ZNHIT6: variants seen among roughly 807,000 people sequenced by gnomAD.
ZNHIT6 encodes zinc finger HIT-type containing 6.
Under a neutral mutation model 57.2 loss-of-function variants are expected in ZNHIT6, and 45 were observed. The observed-to-expected ratio is 0.79, with a 90% CI of 0.62 to 1.01. The LOEUF (loss-of-function observed/expected upper bound fraction) is 1.01, where lower values mean the gene tolerates loss of function less well. ZNHIT6 is among the 50% of genes least tolerant of loss of function. ZNHIT6 has a pLI of 0.00. For missense variants in ZNHIT6, 528 were observed against 567.3 expected (o/e 0.93, Z 0.70); for synonymous variants, 188 against 190.0 (o/e 0.99, Z 0.09).
intron 4 of ZNHIT6, 129 bp from the exon 5 acceptor site, chr1:85,702,389 T>C (rs1662561573): frequency 3.3e-6 from 2 of 609,414 alleles, no homozygotes; most frequent in Admixed American, 3.2e-5. Context: ...TAAGCAGTAA[T>C]CTCATGTAAT....
chr1:85,708,012 C>G lies in ZNHIT6; in HGVS notation c.273G>C (p.Arg91Ser). 2 of 1,614,184 alleles carry G rather than the reference C, an allele frequency of 1.2e-6. No homozygotes were observed. Among genetic ancestry groups the G allele is most frequent in the South Asian group, 2.2e-5 (2 of 91,088 alleles). ...CCTGTTCTACCCACTGGCCAGCCAA[C>G]CTGCCTTCTGTACCTGGCCAGTCTA... ...EIIDWPGTEG[R>S]LAGQWVEQEV... Residue 91 changes from arginine (R) to serine (S), a missense_variant, in exon 1 of 10, where the codon AGG becomes AGC. Arg to Ser is a moderately radical substitution (Grantham distance 110). Coordinates refer to ENST00000370574, the MANE Select transcript of ZNHIT6 (RefSeq NM_017953.4).
intron 8 of ZNHIT6, among the ~76,000 whole-genome samples, chr1:85,664,894 C>T (rs781235514): frequency 1.1e-4 from 16 of 152,136 alleles, no homozygotes; most frequent in Non-Finnish European, 2.1e-4. Context: ...TCCAGAGGCA[C>T]GATCTCAGCT....
At chr1:85,671,226 G>C (rs1281406983) in intron 8 of ZNHIT6, among the ~76,000 whole-genome samples, 2 of 152,120 alleles carry the variant, frequency 1.3e-5, no homozygotes, top group Non-Finnish European at 2.9e-5. Flanking sequence ...CTGGTTATCT[G>C]CTCCCTTGTG....
chr1:85,697,028 T>C (rs1191245115), intron 5 of ZNHIT6, among the ~76,000 whole-genome samples: 2 of 70,716 alleles, frequency 2.8e-5, no homozygotes, highest in African/African-American at 6.3e-5. Context: ...GCCCAGCTAA[T>C]TTTTCGTATT....
At chr1:85,705,934 T>C (rs981410299) in intron 4 of ZNHIT6, 144 bp downstream of exon 4, 12 of 666,640 alleles carry the variant, frequency 1.8e-5, no homozygotes, top group Non-Finnish European at 2.2e-5. Flanking sequence ...ACGGACTTTG[T>C]TTGGGTCACA....
intron 5 of ZNHIT6, among the ~76,000 whole-genome samples, chr1:85,684,118 C>T (rs1405553300): frequency 6.6e-6 from 1 of 152,170 alleles, no homozygotes; most frequent in Non-Finnish European, 1.5e-5. Flanking sequence ...ATACCCTTGG[C>T]ATATCAACGT....
At chr1:85,688,376 C>T (rs1368519649) in intron 5 of ZNHIT6, among the ~76,000 whole-genome samples, 1 of 152,184 alleles carries the variant, frequency 6.6e-6, no homozygotes, top group Non-Finnish European at 1.5e-5. Context: ...CTCTGATCTG[C>T]TATATTATTA....
intron 6 of ZNHIT6, among the ~76,000 whole-genome samples, chr1:85,679,690 T>C (rs912052851): frequency 6.6e-6 from 1 of 151,824 alleles, no homozygotes; most frequent in Non-Finnish European, 1.5e-5. Flanking sequence ...ATTTAAGCTA[T>C]TCTCATGCCT....
At chr1:85,707,294 A>G (rs530350920) in intron 1 of ZNHIT6, among the ~76,000 whole-genome samples, 22 of 152,228 alleles carry the variant, frequency 1.4e-4, no homozygotes, top group African/African-American at 5.3e-4. Flanking sequence ...TCTCATCTCT[A>G]TTCTCTCTCA....
At chr1:85,658,007 C>T (rs1661110248) in intron 8 of ZNHIT6, 36 bp from the exon 9 acceptor site, 2 of 1,345,458 alleles carry the variant, frequency 1.5e-6, no homozygotes, top group Non-Finnish European at 2.0e-6. Flanking sequence ...CCAGGAAACA[C>T]TCTTAATATT....
At chr1:85,692,014 C>G (rs115268474) in intron 5 of ZNHIT6, among the ~76,000 whole-genome samples, 2,702 of 152,164 alleles carry the variant, frequency 0.018, 84 homozygotes, top group African/African-American at 0.061. Flanking sequence ...AGTAAAAATA[C>G]AAAAATTAGC....
intron 4 of ZNHIT6, among the ~76,000 whole-genome samples, chr1:85,705,523 A>G (rs923892736): frequency 6.6e-6 from 1 of 152,088 alleles, no homozygotes; most frequent in Non-Finnish European, 1.5e-5. Flanking sequence ...ACTCCTCACC[A>G]GTTTCTCTAA....
intron 8 of ZNHIT6, among the ~76,000 whole-genome samples, chr1:85,661,793 T>C (rs2100650768): frequency 6.6e-6 from 1 of 152,310 alleles, no homozygotes. Context: ...ACTCTGGTAT[T>C]TCCATTAATA....
At chr1:85,689,577 T>A (rs1662157264) in intron 5 of ZNHIT6, among the ~76,000 whole-genome samples, 1 of 152,180 alleles carries the variant, frequency 6.6e-6, no homozygotes, top group Non-Finnish European at 1.5e-5. Context: ...AGGAAAAAGG[T>A]TAACTATGTG....
chr1:85,701,278 A>G (rs1038143007), intron 5 of ZNHIT6, among the ~76,000 whole-genome samples: 1 of 152,010 alleles, frequency 6.6e-6, no homozygotes, highest in African/African-American at 2.4e-5. Flanking sequence ...ACCCGGGTCA[A>G]CTCCCCACAT....
At chr1:85,696,207 C>T (rs74097076) in intron 5 of ZNHIT6, among the ~76,000 whole-genome samples, 2,043 of 149,904 alleles carry the variant, frequency 0.014, 49 homozygotes, top group African/African-American at 0.048. Flanking sequence ...CAGGGTCTCA[C>T]TCTGTCGCCC....
At chr1:85,673,448 C>T (rs1661620934) in intron 8 of ZNHIT6, among the ~76,000 whole-genome samples, 1 of 152,164 alleles carries the variant, frequency 6.6e-6, no homozygotes, top group South Asian at 2.1e-4. Context: ...CTTAAGCATG[C>T]TCTAGCTGAC....
chr1:85,696,456 G>A (rs749766014), intron 5 of ZNHIT6, among the ~76,000 whole-genome samples: 7 of 151,938 alleles, frequency 4.6e-5, no homozygotes, highest in Non-Finnish European at 7.4e-5. Flanking sequence ...GAATTCCATG[G>A]TATGAAGGTG....
At chr1:85,689,321 A>C (rs1662149469) in intron 5 of ZNHIT6, among the ~76,000 whole-genome samples, 1 of 152,212 alleles carries the variant, frequency 6.6e-6, no homozygotes, top group Non-Finnish European at 1.5e-5. Context: ...AAGTCTCTCA[A>C]AAATAAATGG....
Sources: allele counts gnomAD v4.1 joint callset (sites outside exome capture counted in the v4.1 genomes callset), GRCh38; gene constraint gnomAD v4.1.1; transcripts MANE v1.5; gene names NCBI Gene and HGNC (gene_info 2026-07-23, HGNC 2026-07-21).